Variants in PNPLA6 observed in about 807,000 individuals in gnomAD.
The protein encoded by PNPLA6 is patatin-like phospholipase domain-containing protein 6.
PNPLA6 carries 105 observed loss-of-function variants against 153.7 expected under a neutral mutation model. The ratio of observed to expected loss-of-function variants is 0.68; its 90% CI spans 0.58 to 0.80. The LOEUF is 0.80. Among genes scored for constraint, PNPLA6 ranks in the 30% least tolerant of loss-of-function variants. The pLI is 0.00. For synonymous variants in PNPLA6, 825 were observed against 822.2 expected, an observed-to-expected ratio of 1.00 and a Z score of -0.06; for missense variants, 1,423 against 1,919.3, an observed-to-expected ratio of 0.74 and a Z score of 4.83.
At position 7,554,276 on chromosome 19, in the gene PNPLA6, T is replaced by C. The variant is rs758703848; in HGVS notation, c.2465+4T>C. 7 of 1,612,340 alleles carry C rather than the reference T, an allele frequency of 4.3e-6. No individual in the cohort carries two copies. Among genetic ancestry groups the C allele is most frequent in the Non-Finnish European group, 5.9e-6 (7 of 1,178,772 alleles). ...TGGGGGCCTCCGCACTGGATAGGTG[T>C]GTGTTGCAGAAGGGAGTGGGGAGGG... On this transcript the variant is annotated splice_donor_region_variant and intron_variant, in intron 20 of 31. Transcript: ENST00000600737.
At chr19:7,535,605 G>A (rs779578694), upstream of PNPLA6, 2 of 1,596,710 alleles carry the variant, frequency 1.3e-6, no homozygotes, top group Non-Finnish European at 1.7e-6. The surrounding 1 kb of genome is among the most constrained non-coding windows in gnomAD (Gnocchi z 5.0). Context: ...GACCGGGTAG[G>A]TGCCGGCGTG....
chr19:7,546,633 T>C (rs1296695063), intron 13 of PNPLA6, among the ~76,000 whole-genome samples: 2 of 152,108 alleles, frequency 1.3e-5, no homozygotes, highest in African/African-American at 4.8e-5. Context: ...GGTCTTGAAC[T>C]CCTGACCTGA....
At chr19:7,536,417 C>A in intron 2 of PNPLA6, 32 bp from the exon 3 acceptor site, 1 of 1,504,590 alleles carries the variant, frequency 6.6e-7, no homozygotes, top group Non-Finnish European at 9.3e-7. Flanking sequence ...TCTGAATTAG[C>A]AATTCACCCA....
rs767460635 is a variant in PNPLA6 at position 7,554,539 on chromosome 19, C to T, written c.2466-16C>T. ...CAGGCCAACCCCAGGATGACGCTGCCCCCTTCCCACCCTAGCATCCAAGAG... is the reference window on the plus strand; with the variant it reads ...CAGGCCAACCCCAGGATGACGCTGCTCCCTTCCCACCCTAGCATCCAAGAG... On this transcript the variant is annotated splice_polypyrimidine_tract_variant and intron_variant, in intron 20 of 31. Coordinates refer to ENST00000600737, the MANE Select transcript of PNPLA6 (RefSeq NM_001166114.2). 1.2e-5 allele frequency: 19 copies of T among 1,613,992 alleles called. No homozygotes were observed. The highest frequency in any genetic ancestry group is 1.6e-5 in the Non-Finnish European group (19 of 1,179,944).
chr19:7,551,354 G>A lies in PNPLA6; in HGVS notation c.2185-8G>A. On this transcript the variant is annotated splice_polypyrimidine_tract_variant and splice_region_variant and intron_variant, in intron 17 of 31. Transcript: ENST00000600737. ...TCTCACTGAAATGCCGGCCTCCAAC[G>A]CCCCCAGGTCGTGACCCGCCTTATC... 3 of 1,613,654 alleles carry A rather than the reference G, an allele frequency of 1.9e-6. No individual in the cohort carries two copies. The highest frequency in any genetic ancestry group is 2.5e-6 in the Non-Finnish European group (3 of 1,179,744).
chr19:7,554,664 C>T lies in PNPLA6; in HGVS notation c.2575C>T (p.Arg859Ter), dbSNP rs781417400. 1.9e-6 allele frequency: 3 copies of T among 1,613,936 alleles called. No individual in the cohort carries two copies. Among genetic ancestry groups the T allele is most frequent in the Non-Finnish European group, 2.5e-6 (3 of 1,180,010 alleles). The change falls in exon 21 of 32, where the codon CGA becomes TGA. Residue 859 changes from arginine (R) to a stop codon, truncating the protein, a stop_gained. Transcript: ENST00000600737. LOFTEE classifies it high-confidence loss of function. ...SLTPWTVRCL[R>*]QADCILIVGL... ...GACGCCCTGGACCGTGCGCTGCCTG[C>T]GACAGGCCGACTGCATCCTCATTGT...
In PNPLA6 at chr19:7,550,527, C is replaced by A; in HGVS notation, c.1957C>A (p.Arg653Ser). The change falls in exon 16 of 32, where the codon CGC becomes AGC. Residue 653 changes from arginine (R) to serine (S), a missense_variant. By Grantham distance (110) the Arg-to-Ser change is moderately radical. Transcript: ENST00000600737. The part of the protein sequence containing the change: ...AGRALYRQGD[R>S]SDCTYIVLNG... Reference sequence around the variant, plus strand: ...TCCACGCCCACTCAGGCAGGGCGACCGCTCCGACTGCACTTACATCGTGCT... The same window carrying A: ...TCCACGCCCACTCAGGCAGGGCGACAGCTCCGACTGCACTTACATCGTGCT... The A allele has an allele frequency of 6.2e-7, 1 of 1,613,108 alleles. No homozygotes were observed. Among genetic ancestry groups the A allele is most frequent in the Non-Finnish European group, 8.5e-7 (1 of 1,179,924 alleles).
intron 13 of PNPLA6, among the ~76,000 whole-genome samples, chr19:7,548,947 C>CGTA (rs1448440818): frequency 2.7e-5 from 4 of 150,010 alleles, no homozygotes; most frequent in Non-Finnish European, 5.9e-5. Context: ...GGACTACAGG[C>CGTA]GCCCGCCACC....
chr19:7,551,335 T>G, intron 17 of PNPLA6, 27 bp from the exon 18 acceptor site: 1 of 1,610,778 alleles, frequency 6.2e-7, no homozygotes, highest in Non-Finnish European at 8.5e-7. Flanking sequence ...CAGGTCTCAC[T>G]GAAATGCCGG....
chr19:7,550,858 G>A (rs900573930), intron 16 of PNPLA6, 136 bp from the exon 17 acceptor site: 50 of 889,408 alleles, frequency 5.6e-5, no homozygotes, highest in Middle Eastern at 2.3e-4. Context: ...GCTCTAATGG[G>A]TAGCGAGCGA....
chr19:7,559,980 A>G (rs2081195), intron 28 of PNPLA6, among the ~76,000 whole-genome samples: 30,365 of 151,780 alleles, frequency 0.2, 3,285 homozygotes, highest in African/African-American at 0.28. Flanking sequence ...TCTCTACTAA[A>G]TATACAAAAA....
Position 7,537,704 on chromosome 19 carries a change from C to T in PNPLA6, c.413+1158C>T, listed in dbSNP as rs555006016. ...GTCACTAGGCTAGAGTGCACTGGCA[C>T]GATCTCGGCTCACTGCAACCTCCAC... is the stretch of plus-strand genomic sequence containing the variant. On this transcript the variant is annotated intron_variant, in intron 3 of 31. Transcript: ENST00000600737. Among the ~76,000 whole-genome samples the T allele has an allele frequency of 9.8e-5, 15 of 152,296 alleles. No individual in the cohort carries two copies. In the East Asian group the frequency reaches 2.7e-3, roughly 27 times the overall value.
intron 13 of PNPLA6, among the ~76,000 whole-genome samples, chr19:7,546,786 G>A (rs1451545633): frequency 6.6e-6 from 1 of 152,126 alleles, no homozygotes; most frequent in Admixed American, 6.6e-5. Context: ...TCCCAGGCTG[G>A]TCTTAAACTC....
intron 30 of PNPLA6, 29 bp downstream of exon 30, chr19:7,561,139 G>T (rs938861089): frequency 8.8e-6 from 14 of 1,596,584 alleles, no homozygotes; most frequent in Non-Finnish European, 1.2e-5. Context: ...CCCCCAAGAG[G>T]GAGGGGAGTG....
At position 7,541,587 on chromosome 19, in the gene PNPLA6, C is replaced by T. The variant is rs372812987; in HGVS notation, c.1071C>T (p.Gly357=). The change falls in exon 9 of 32, where the codon GGC becomes GGT. Residue 357 remains glycine (G), a synonymous_variant. Transcript: ENST00000600737. The surrounding 1 kb of genome is among the most constrained non-coding windows in gnomAD (Gnocchi z 5.2). The part of the protein sequence containing the change: ...GLPTRTSPVR[G]SKRMVSTSAT... The stretch of plus-strand genomic sequence containing the variant: ...CAACTCGCACCAGCCCTGTGCGGGG[C>T]TCCAAGAGAATGGTCAGCACCTCAG... 1.3e-6 allele frequency: 2 copies of T among 1,596,094 alleles called. No homozygotes were observed. The highest frequency in any genetic ancestry group is 1.1e-5 in the South Asian group (1 of 88,590).
At chr19:7,539,249 G>A (rs973148591) in intron 3 of PNPLA6, among the ~76,000 whole-genome samples, 5 of 152,174 alleles carry the variant, frequency 3.3e-5, no homozygotes, top group Non-Finnish European at 7.4e-5. Flanking sequence ...AGGCTGAGGC[G>A]GGAGGATCAC....
chr19:7,556,911 G>A, intron 26 of PNPLA6, 187 bp downstream of exon 26: 1 of 691,026 alleles, frequency 1.4e-6, no homozygotes, highest in South Asian at 1.5e-5. Flanking sequence ...GTCCTTGGGG[G>A]AGGGGAGCAG....
intron 3 of PNPLA6, 37 bp downstream of exon 3, chr19:7,536,583 T>A: frequency 7.4e-7 from 1 of 1,348,864 alleles, no homozygotes; most frequent in South Asian, 1.2e-5. Flanking sequence ...TATTAGGGGT[T>A]ATCTCAGGGG....
chr19:7,554,342 G>A (rs2023778065), intron 20 of PNPLA6, 70 bp downstream of exon 20: 1 of 1,465,424 alleles, frequency 6.8e-7, no homozygotes, highest in Admixed American at 1.7e-5. Flanking sequence ...TCAGACCTGA[G>A]TTCAAGTTCT....
Sources: gnomAD v4.1 joint callset for allele counts (sites outside exome capture counted in the v4.1 genomes callset) on GRCh38, gnomAD v4.1.1 for gene constraint, Gnocchi (gnomAD v3.1) non-coding constraint, MANE v1.5 for transcripts, NCBI Gene and HGNC (gene_info 2026-07-23, HGNC 2026-07-21) for gene names.